RNF144A: variants seen among roughly 807,000 people sequenced by gnomAD.
The protein encoded by RNF144A is E3 ubiquitin-protein ligase RNF144A.
A neutral mutation model predicts 38.7 loss-of-function variants in RNF144A; 11 were observed. That is an observed-to-expected ratio of 0.28 (90% CI 0.18 to 0.47). The LOEUF is 0.47. Ranked by LOEUF, RNF144A falls within the 20% of genes least tolerant of loss-of-function variation. RNF144A has a pLI of 0.99. For missense variants in RNF144A, 316 were observed against 377.2 expected (o/e 0.84, Z 1.34); for synonymous variants, 149 against 143.9 (o/e 1.04, Z -0.25).
At position 7,042,990 on chromosome 2, in the gene RNF144A, C is replaced by A. The variant is rs370580084; in HGVS notation, c.*3230C>A. 5 of 535,816 alleles carry A rather than the reference C, an allele frequency of 9.3e-6. No homozygotes were observed. The highest frequency in any genetic ancestry group is 2.9e-4 in the East Asian group (2 of 6,810). 33.2% of individuals were successfully genotyped at this position (535,816 alleles called of 1,614,324 possible). On this transcript the variant is annotated 3_prime_UTR_variant, in exon 9 of 9. Transcript: ENST00000320892. ...TCAAGCGATTCTCCTGCCTCAGCCT[C>A]CCAAGTAGCTGGGATTACAGGCACC...
intron 2 of RNF144A, among the ~76,000 whole-genome samples, chr2:6,964,816 G>C (rs187604476): frequency 5.9e-4 from 89 of 151,428 alleles, no homozygotes; most frequent in African/African-American, 1.9e-3. Flanking sequence ...TCTGGGGACT[G>C]TTGTGGGGTC....
chr2:6,951,344 C>G (rs981869272), intron 2 of RNF144A, among the ~76,000 whole-genome samples: 2 of 151,756 alleles, frequency 1.3e-5, no homozygotes, highest in African/African-American at 4.8e-5. Context: ...TCAATGCAGC[C>G]TGCTCTTAAT....
At chr2:6,970,509 C>T (rs559526801) in intron 2 of RNF144A, among the ~76,000 whole-genome samples, 12 of 152,302 alleles carry the variant, frequency 7.9e-5, no homozygotes, top group South Asian at 2.1e-4. Context: ...TGAAAACAGA[C>T]GAATACACGT....
At chr2:6,945,220 C>T (rs189523324) in intron 2 of RNF144A, among the ~76,000 whole-genome samples, 6 of 152,302 alleles carry the variant, frequency 3.9e-5, no homozygotes, top group East Asian at 1.9e-4. Context: ...GCGAAAAGAC[C>T]GATACCTTGC....
intron 7 of RNF144A, 138 bp downstream of exon 7, chr2:7,024,654 T>G: frequency 4.1e-6 from 4 of 970,398 alleles, no homozygotes; most frequent in Non-Finnish European, 4.5e-6. Context: ...GTTTGGTGTT[T>G]CTCCTGGGTT....
chr2:6,942,832 A>G (rs921885280), intron 2 of RNF144A, among the ~76,000 whole-genome samples: 1 of 152,170 alleles, frequency 6.6e-6, no homozygotes, highest in Non-Finnish European at 1.5e-5. Context: ...AAAAATATAA[A>G]AATCAGCTGA....
chr2:6,942,701 A>G (rs533793270), intron 2 of RNF144A, among the ~76,000 whole-genome samples: 141 of 152,296 alleles, frequency 9.3e-4, no homozygotes, highest in African/African-American at 3.4e-3. Context: ...AGGGATTCAG[A>G]GGCCGGGTGC....
At chr2:7,071,908 G>A (rs553062326), downstream of RNF144A, among the ~76,000 whole-genome samples, 15 of 152,364 alleles carry the variant, frequency 9.8e-5, no homozygotes, top group East Asian at 3.9e-4. Flanking sequence ...AAGAGGGGAA[G>A]TTCTCCTAAG....
intron 3 of RNF144A, among the ~76,000 whole-genome samples, chr2:7,013,562 T>C (rs1964092): frequency 0.27 from 40,598 of 152,172 alleles, 6,666 homozygotes; most frequent in Admixed American, 0.36. Context: ...GTTGTAGGAT[T>C]TTACATCATT....
rs1168597884 is a variant in RNF144A, at chr2:7,040,209, T to C, written c.*449T>C. Reference sequence around the variant, plus strand: ...AGAAGCACTCTGTTTATGACAACTGTTTTTATTACTAATGGCATTTAGTAA... The same window carrying C: ...AGAAGCACTCTGTTTATGACAACTGCTTTTATTACTAATGGCATTTAGTAA... On this transcript the variant is annotated 3_prime_UTR_variant, in exon 9 of 9. Transcript: ENST00000320892. 1.0e-6 allele frequency: 1 copy of C among 986,834 alleles called. No individual in the cohort carries two copies. The allele number at this position is 986,834 out of a possible 1,614,324, so 61.1% of individuals were successfully genotyped here.
chr2:6,927,998 C>A (rs760734709), intron 1 of RNF144A, among the ~76,000 whole-genome samples: 1 of 152,148 alleles, frequency 6.6e-6, no homozygotes, highest in Non-Finnish European at 1.5e-5. Flanking sequence ...CAGGGCCCCT[C>A]GCCTGCATCT....
At chr2:6,983,407 A>G (rs1253257426) in intron 2 of RNF144A, among the ~76,000 whole-genome samples, 3 of 152,288 alleles carry the variant, frequency 2.0e-5, no homozygotes, top group South Asian at 4.1e-4. Flanking sequence ...GACTTGCCCT[A>G]CAGCCTTTTT....
chr2:6,979,352 G>A (rs1270528690), intron 2 of RNF144A, among the ~76,000 whole-genome samples: 2 of 152,132 alleles, frequency 1.3e-5, no homozygotes, highest in Non-Finnish European at 2.9e-5. Context: ...TGTGAGGGAG[G>A]CAGAGGTGCC....
At chr2:6,960,478 A>T (rs1370715123) in intron 2 of RNF144A, among the ~76,000 whole-genome samples, 1 of 152,212 alleles carries the variant, frequency 6.6e-6, no homozygotes, top group African/African-American at 2.4e-5. Context: ...AAAGGCAATG[A>T]GAGTGGCCAA....
chr2:7,026,910 C>G (rs574936341), intron 7 of RNF144A, among the ~76,000 whole-genome samples: 1 of 152,364 alleles, frequency 6.6e-6, no homozygotes, highest in Non-Finnish European at 1.5e-5. Flanking sequence ...GCAGAGTTTC[C>G]TGTGTTTTCT....
intron 8 of RNF144A, among the ~76,000 whole-genome samples, chr2:7,036,357 G>T (rs1156575993): frequency 6.6e-6 from 1 of 152,224 alleles, no homozygotes; most frequent in African/African-American, 2.4e-5. Flanking sequence ...CCAAAGGATG[G>T]TATTTACGAA....
At chr2:6,979,237 G>A (rs942027275) in intron 2 of RNF144A, among the ~76,000 whole-genome samples, 2 of 152,210 alleles carry the variant, frequency 1.3e-5, no homozygotes, top group African/African-American at 4.8e-5. Context: ...TCTTGGCCAA[G>A]GCTGTAGGGA....
chr2:7,051,627 G>A (rs866216015), intron 6 of RNF144A, among the ~76,000 whole-genome samples: 14 of 152,204 alleles, frequency 9.2e-5, no homozygotes, highest in African/African-American at 2.7e-4. Context: ...AGTGGCTCAC[G>A]CCTGTAATCC....
chr2:7,051,731 A>G (rs1238042274), intron 6 of RNF144A, among the ~76,000 whole-genome samples: 2 of 152,182 alleles, frequency 1.3e-5, no homozygotes, highest in Non-Finnish European at 2.9e-5. Flanking sequence ...TCTACTAAAG[A>G]TACAAAAATT....
Sources: gnomAD v4.1 joint callset for allele counts (sites outside exome capture counted in the v4.1 genomes callset) on GRCh38, gnomAD v4.1.1 for gene constraint, MANE v1.5 for transcripts, NCBI Gene and HGNC (gene_info 2026-07-23, HGNC 2026-07-21) for gene names.